The following SPC25 variants were observed in gnomAD, a reference collection of about 807,000 sequenced individuals.
SPC25 encodes the protein SPC25 component of NDC80 kinetochore complex.
In SPC25, 22 loss-of-function variants were observed where a neutral mutation model predicts 29.6. The ratio of observed to expected loss-of-function variants is 0.74; its 90% CI spans 0.53 to 1.06. The LOEUF is 1.06. SPC25 is among the 50% of genes least tolerant of loss of function. The pLI, the probability that SPC25 is intolerant of heterozygous loss-of-function variation, is 0.00. For synonymous variants in SPC25, 91 were observed against 90.4 expected, an observed-to-expected ratio of 1.01 and a Z score of -0.04; for missense variants, 230 against 255.8, an observed-to-expected ratio of 0.90 and a Z score of 0.69.
chr2:168,867,499 T>G (rs1382028486), downstream of SPC25, among the ~76,000 whole-genome samples: 1 of 152,184 alleles, frequency 6.6e-6, no homozygotes, highest in Non-Finnish European at 1.5e-5. Context: ...CCATCTCACA[T>G]GCAGAAACAC....
At chr2:168,889,024 CAT>C (rs567371519) in intron 3 of SPC25, among the ~76,000 whole-genome samples, 200 bp downstream of exon 3, 1,374 of 51,512 alleles carry the variant, frequency 0.027, 34 homozygotes, top group Middle Eastern at 0.056. Context: ...TATATATACA[CAT>C]ATATATACAT....
chr2:168,873,617 G>A lies in SPC25; in HGVS notation c.518C>T (p.Ser173Phe), dbSNP rs1308465187. Residue 173 changes from serine to phenylalanine, a missense_variant, in exon 6 of 7, where the codon TCC becomes TTC. Coordinates refer to ENST00000282074, the MANE Select transcript of SPC25 (RefSeq NM_020675.4). Reference sequence around the variant, plus strand: ...GTCCCTTGCTTCATTGAGATGTAAGGAAAACATAAATGGGCTCTCAGGATT... The same window carrying A: ...GTCCCTTGCTTCATTGAGATGTAAGAAAAACATAAATGGGCTCTCAGGATT... ...PKNPESPFMFSLHLNEARDYE... is the reference protein window; with the variant it reads ...PKNPESPFMFFLHLNEARDYE... 6.2e-7 allele frequency: 1 copy of A among 1,611,450 alleles called. No homozygotes were observed. The highest frequency in any genetic ancestry group is 8.5e-7 in the Non-Finnish European group (1 of 1,178,202).
chr2:168,882,818 A>G (rs186342598), intron 3 of SPC25, among the ~76,000 whole-genome samples: 1 of 152,338 alleles, frequency 6.6e-6, no homozygotes, highest in East Asian at 1.9e-4. Context: ...TAAATATGAA[A>G]GATAATTTAA....
chr2:168,880,345 A>G (rs773639341), intron 3 of SPC25, among the ~76,000 whole-genome samples: 2 of 152,154 alleles, frequency 1.3e-5, no homozygotes, highest in African/African-American at 4.8e-5. Context: ...TTTTTATTTT[A>G]TGGAGGCAGC....
chr2:168,866,000 A>G (rs992469008), downstream of SPC25, among the ~76,000 whole-genome samples: 10 of 152,304 alleles, frequency 6.6e-5, no homozygotes, highest in African/African-American at 2.4e-4. Context: ...AGAACATTCC[A>G]TGCTCATGGG....
intron 3 of SPC25, among the ~76,000 whole-genome samples, chr2:168,888,737 TTGTG>T (rs542715338): frequency 2.0e-5 from 3 of 151,096 alleles, no homozygotes; most frequent in Non-Finnish European, 2.9e-5. Context: ...GTGTATGTAT[TTGTG>T]TGTGTATGTG....
intron 5 of SPC25, among the ~76,000 whole-genome samples, chr2:168,875,495 TACA>T (rs1690069061): frequency 1.3e-5 from 2 of 152,092 alleles, no homozygotes; most frequent in Admixed American, 6.6e-5. Flanking sequence ...ACAGAACAAT[TACA>T]ACAACGTACT....
chr2:168,864,764 ACT>A, intron 4 of SPC25: 1 of 1,568,416 alleles, frequency 6.4e-7, no homozygotes, highest in Admixed American at 1.8e-5. Context: ...CCTCCTTAAA[ACT>A]CTTATCAATC....
chr2:168,879,606 A>G (rs1690141272), intron 3 of SPC25, among the ~76,000 whole-genome samples: 1 of 152,066 alleles, frequency 6.6e-6, no homozygotes, highest in African/African-American at 2.4e-5. Context: ...GTTAAAATCA[A>G]CTTCTTCCAA....
At chr2:168,876,224 T>C (rs757526458) in intron 4 of SPC25, 48 bp from the exon 5 acceptor site, 4 of 1,265,156 alleles carry the variant, frequency 3.2e-6, no homozygotes, top group Non-Finnish European at 4.3e-6. Context: ...TAATAGCAAA[T>C]TAATGCTCAC....
At chr2:168,874,275 G>T (rs1432691102) in intron 5 of SPC25, among the ~76,000 whole-genome samples, 1 of 152,136 alleles carries the variant, frequency 6.6e-6, no homozygotes, top group Non-Finnish European at 1.5e-5. Context: ...CACATTGCTG[G>T]TAGAAATGTA....
intron 5 of SPC25, among the ~76,000 whole-genome samples, chr2:168,875,631 G>A (rs1474775309): frequency 6.6e-6 from 1 of 151,972 alleles, no homozygotes; most frequent in East Asian, 1.9e-4. Flanking sequence ...GAATAAGTGG[G>A]GATGACTGTA....
At chr2:168,873,144 G>A (rs959779003) in intron 6 of SPC25, among the ~76,000 whole-genome samples, 27 of 152,094 alleles carry the variant, frequency 1.8e-4, no homozygotes, top group African/African-American at 6.5e-4. Flanking sequence ...TGCAGGATTC[G>A]TATTTCAAAA....
At chr2:168,888,953 G>A (rs964411815) in intron 3 of SPC25, among the ~76,000 whole-genome samples, 1,618 of 61,516 alleles carry the variant, frequency 0.026, 47 homozygotes, top group East Asian at 0.052. Context: ...GTGTGTGTGT[G>A]TGTGTATATA....
At chr2:168,889,026 T>C (rs1161557989) in intron 3 of SPC25, among the ~76,000 whole-genome samples, 200 bp downstream of exon 3, 3 of 51,742 alleles carry the variant, frequency 5.8e-5, no homozygotes, top group Middle Eastern at 0.01. Flanking sequence ...TATATACACA[T>C]ATATATACAT....
At chr2:168,862,181 A>G in intron 4 of SPC25, 1 of 734,454 alleles carries the variant, frequency 1.4e-6, no homozygotes, top group Non-Finnish European at 2.3e-6. Context: ...TTGAAAGATA[A>G]GCACATCTAA....
Position 168,886,513 on chromosome 2 carries a change from T to C in SPC25, c.199+2713A>G, listed in dbSNP as rs1690264988. Among the ~76,000 whole-genome samples the C allele has an allele frequency of 2.6e-5, 4 of 151,164 alleles. No homozygotes were observed. In the South Asian group the frequency reaches 8.4e-4, roughly 32 times the overall value. On this transcript the variant is annotated intron_variant, in intron 3 of 6. Coordinates refer to ENST00000282074, the MANE Select transcript of SPC25 (RefSeq NM_020675.4). ...AGTAAACTGTATTTCTGTTCAAGTA[T>C]AAACTGATTTCTTTTTTTTTTTTTG...
chr2:168,864,939 C>T (rs1689768533), intron 4 of SPC25: 1 of 1,613,972 alleles, frequency 6.2e-7, no homozygotes, highest in Non-Finnish European at 8.5e-7. Flanking sequence ...GAGTTACCTT[C>T]AAATGCTGGC....
downstream of SPC25, among the ~76,000 whole-genome samples, chr2:168,870,410 G>A (rs1199419987): frequency 2.6e-5 from 4 of 151,476 alleles, no homozygotes; most frequent in South Asian, 8.3e-4. Context: ...CACCATCAGA[G>A]TGAACAGGCA....
Sources: gnomAD v4.1 joint callset for allele counts (sites outside exome capture counted in the v4.1 genomes callset) on GRCh38, gnomAD v4.1.1 for gene constraint, MANE v1.5 for transcripts, NCBI Gene and HGNC (gene_info 2026-07-23, HGNC 2026-07-21) for gene names.